The following IQGAP2 variants were observed in gnomAD, a reference collection of about 807,000 sequenced individuals.
The protein encoded by IQGAP2 is ras GTPase-activating-like protein IQGAP2.
Under a neutral mutation model 201.3 loss-of-function variants are expected in IQGAP2, and 173 were observed. That is an observed-to-expected ratio of 0.86 (90% CI 0.76 to 0.98). The LOEUF (loss-of-function observed/expected upper bound fraction) is 0.98, where lower values mean the gene tolerates loss of function less well. IQGAP2 is among the 50% of genes least tolerant of loss of function. The probability of loss-of-function intolerance (pLI) is 0.00; values close to 1 mark genes in which losing one functional copy is unlikely to be tolerated. For synonymous variants in IQGAP2, 675 were observed against 673.9 expected (o/e 1.00, Z -0.03); for missense variants, 1,687 against 1,864.8 (o/e 0.90, Z 1.76).
intron 2 of IQGAP2, among the ~76,000 whole-genome samples, chr5:76,507,919 G>T (rs1757699805): frequency 7.0e-6 from 1 of 143,324 alleles, no homozygotes; most frequent in African/African-American, 2.6e-5. Flanking sequence ...TGAAGCAGAA[G>T]AATTGCTCGA....
intron 1 of IQGAP2, among the ~76,000 whole-genome samples, chr5:76,419,238 A>G (rs1167707392): frequency 3.3e-5 from 5 of 152,308 alleles, no homozygotes; most frequent in Non-Finnish European, 4.4e-5. Context: ...CCTGGGCTCA[A>G]GCTATGCTCC....
chr5:76,691,336 G>T (rs1746249108), intron 30 of IQGAP2: 1 of 152,184 alleles, frequency 6.6e-6, no homozygotes, highest in Non-Finnish European at 1.5e-5. Context: ...CAGTCATTTG[G>T]TCATTGCACA....
At chr5:76,645,921 A>T (rs1752003295) in intron 17 of IQGAP2, among the ~76,000 whole-genome samples, 1 of 152,116 alleles carries the variant, frequency 6.6e-6, no homozygotes, top group Non-Finnish European at 1.5e-5. Flanking sequence ...CAGGTCACTT[A>T]TTCAGAATGT....
intron 26 of IQGAP2, among the ~76,000 whole-genome samples, chr5:76,674,250 G>A (rs1027796124): frequency 6.6e-6 from 1 of 151,892 alleles, no homozygotes; most frequent in Non-Finnish European, 1.5e-5. Context: ...AGCATTTTGG[G>A]GGCAATGAGC....
intron 2 of IQGAP2, among the ~76,000 whole-genome samples, chr5:76,530,376 G>A (rs1365718628): frequency 6.6e-6 from 1 of 152,174 alleles, no homozygotes; most frequent in Non-Finnish European, 1.5e-5. Context: ...TTGCAATAGT[G>A]TGAAAAGAAA....
chr5:76,642,783 G>A (rs925677044), intron 17 of IQGAP2, among the ~76,000 whole-genome samples: 3 of 152,256 alleles, frequency 2.0e-5, no homozygotes, highest in Admixed American at 1.3e-4. Flanking sequence ...AAACTCCTAG[G>A]CCGAGGCCAG....
chr5:76,484,641 T>G (rs1756001406), intron 2 of IQGAP2, among the ~76,000 whole-genome samples: 1 of 152,104 alleles, frequency 6.6e-6, no homozygotes, highest in African/African-American at 2.4e-5. Flanking sequence ...ACCCTAGAAC[T>G]GAAAGTATAA....
At chr5:76,425,649 A>C (rs913738678) in intron 1 of IQGAP2, among the ~76,000 whole-genome samples, 25 of 152,096 alleles carry the variant, frequency 1.6e-4, no homozygotes, top group African/African-American at 3.6e-4. Flanking sequence ...AGAAAAAAAA[A>C]CCCACATTAG....
chr5:76,532,025 C>T (rs1254523365), intron 2 of IQGAP2, among the ~76,000 whole-genome samples: 1 of 152,254 alleles, frequency 6.6e-6, no homozygotes, highest in Admixed American at 6.5e-5. Flanking sequence ...GCTCCACCCT[C>T]ATGGCCTAAT....
chr5:76,596,323 T>C (rs1747031242), intron 9 of IQGAP2, among the ~76,000 whole-genome samples: 1 of 152,230 alleles, frequency 6.6e-6, no homozygotes, highest in Non-Finnish European at 1.5e-5. Context: ...GGCAAAACTC[T>C]GCAATCTCTG....
At chr5:76,438,035 G>GTTTTTTTTT (rs71604291) in intron 1 of IQGAP2, among the ~76,000 whole-genome samples, 43 of 68,550 alleles carry the variant, frequency 6.3e-4, no homozygotes, top group Middle Eastern at 6.3e-3. Flanking sequence ...TTTTTTGTTT[G>GTTTTTTTTT]TTTTTTTTTT....
chr5:76,684,948 G>A (rs950363993), intron 30 of IQGAP2, among the ~76,000 whole-genome samples: 3 of 152,086 alleles, frequency 2.0e-5, no homozygotes, highest in Non-Finnish European at 2.9e-5. Context: ...TTTGTCCTCA[G>A]ATCATCTGAG....
chr5:76,431,622 A>G (rs1050964549), intron 1 of IQGAP2, among the ~76,000 whole-genome samples: 1 of 152,128 alleles, frequency 6.6e-6, no homozygotes, highest in Non-Finnish European at 1.5e-5. Flanking sequence ...CAAGAGATTG[A>G]GACCATCCTG....
intron 10 of IQGAP2, 142 bp downstream of exon 10, chr5:76,597,744 ATTCCAAGGCCTTC>A (rs1747141259): frequency 1.3e-6 from 1 of 749,984 alleles, no homozygotes; most frequent in African/African-American, 1.8e-5. Context: ...ACCTGTACCA[ATTCCAAGGCCTTC>A]TTCCTTGTTA....
Position 76,470,487 on chromosome 5 carries a change from C to G in IQGAP2, c.146+8818C>G. 2.0e-5 allele frequency among the ~76,000 whole-genome samples: 3 copies of G among 152,280 alleles called. 1 individual carries two copies. The highest frequency in any genetic ancestry group is 2.0e-4 in the Admixed American group (3 of 15,300). ...TTTGAGGATAAAATTATTTTTGTTA[C>G]TATTAGAAACTCAATCAGAAATTGA... On this transcript the variant is annotated intron_variant, in intron 2 of 35. Coordinates refer to ENST00000274364, the MANE Select transcript of IQGAP2 (RefSeq NM_006633.5).
chr5:76,647,823 C>CCCCACACACACACACA (rs1554080322), intron 17 of IQGAP2, among the ~76,000 whole-genome samples: 168 of 62,632 alleles, frequency 2.7e-3, no homozygotes, highest in African/African-American at 7.2e-3. Flanking sequence ...TAGCCAAACA[C>CCCCACACACACACACA]CACACACACA....
intron 2 of IQGAP2, among the ~76,000 whole-genome samples, chr5:76,521,729 T>C (rs903664314): frequency 9.2e-5 from 14 of 152,226 alleles, no homozygotes; most frequent in Non-Finnish European, 2.9e-5. Flanking sequence ...CTGGTTCAGT[T>C]GCTCTCAGAT....
intron 13 of IQGAP2, 123 bp from the exon 14 acceptor site, chr5:76,627,287 C>G (rs902094456): frequency 6.7e-6 from 5 of 741,776 alleles, no homozygotes; most frequent in Admixed American, 2.0e-5. Flanking sequence ...TATGGCAGAG[C>G]TGGATAGTTG....
chr5:76,666,890 C>G (rs1285681303), intron 22 of IQGAP2, among the ~76,000 whole-genome samples: 1 of 152,112 alleles, frequency 6.6e-6, no homozygotes, highest in Admixed American at 6.6e-5. Flanking sequence ...ACTACAGACA[C>G]CTGCCACAAT....
Sources: allele counts gnomAD v4.1 joint callset (sites outside exome capture counted in the v4.1 genomes callset), GRCh38; gene constraint gnomAD v4.1.1; transcripts MANE v1.5; gene names NCBI Gene and HGNC (gene_info 2026-07-23, HGNC 2026-07-21).